GRIN2A: variants seen among roughly 807,000 people sequenced by gnomAD.
GRIN2A encodes glutamate receptor ionotropic, NMDA 2A.
Under a neutral mutation model 113.4 loss-of-function variants are expected in GRIN2A, and 22 were observed. That is an observed-to-expected ratio of 0.19 (90% CI 0.14 to 0.28). GRIN2A has a LOEUF of 0.28. Ranked by LOEUF, GRIN2A falls within the 10% of genes least tolerant of loss-of-function variation. The probability of loss-of-function intolerance (pLI) is 1.00; values close to 1 mark genes in which losing one functional copy is unlikely to be tolerated. For missense variants in GRIN2A, 1,502 were observed against 1,887.0 expected, an observed-to-expected ratio of 0.80 and a Z score of 3.78; for synonymous variants, 827 against 738.4, an observed-to-expected ratio of 1.12 and a Z score of -1.94.
chr16:10,008,151 G>A (rs1414341872), intron 2 of GRIN2A, among the ~76,000 whole-genome samples: 1 of 152,064 alleles, frequency 6.6e-6, no homozygotes, highest in Non-Finnish European at 1.5e-5. Context: ...TTGGAGATCT[G>A]TCCTCTTGAG....
intron 2 of GRIN2A, among the ~76,000 whole-genome samples, chr16:10,125,046 C>G (rs749307716): frequency 6.6e-6 from 1 of 152,102 alleles, no homozygotes; most frequent in African/African-American, 2.4e-5. Context: ...GCACGTAGTG[C>G]CCAAATCATG....
intron 11 of GRIN2A, among the ~76,000 whole-genome samples, chr16:9,780,736 G>C (rs1045490538): frequency 3.9e-5 from 6 of 152,256 alleles, no homozygotes; most frequent in African/African-American, 1.4e-4. Flanking sequence ...AAAACAGTGA[G>C]TGGCATAGTA....
chr16:9,842,624 T>C (rs2042700319), intron 5 of GRIN2A, among the ~76,000 whole-genome samples: 1 of 152,210 alleles, frequency 6.6e-6, no homozygotes, highest in Non-Finnish European at 1.5e-5. Context: ...ATGAAATAAC[T>C]GTATGGAAAA....
In GRIN2A at chr16:9,829,178, G is replaced by A. The variant is rs76326097; in HGVS notation, c.2007+245C>T. ...GAAAGATCATATAAATAGGAAACAC[G>A]ACCACTCGGGGAAGCCAGGCTTCCA... On this transcript the variant is annotated intron_variant, in intron 9 of 12. Transcript: ENST00000330684. Among the ~76,000 whole-genome samples, 1,479 of 152,252 alleles carry A rather than the reference G, an allele frequency of 9.7e-3. 23 individuals carry two copies. The highest frequency in any genetic ancestry group is 0.034 in the African/African-American group (1,398 of 41,538).
Position 9,758,722 on chromosome 16 carries a change from T to G in GRIN2A, c.*4427A>C. On this transcript the variant is annotated 3_prime_UTR_variant, in exon 13 of 13. Coordinates refer to ENST00000330684, the MANE Select transcript of GRIN2A (RefSeq NM_001134407.3). ...GGCAAGCTGACCTCATCTGATACAA[T>G]TAGATATGAACACAGTACAATGTAT... The G allele has an allele frequency of 4.6e-6, 1 of 215,136 alleles. No homozygotes were observed. The highest frequency in any genetic ancestry group is 9.4e-6 in the Non-Finnish European group (1 of 106,498). The allele number at this position is 215,136 out of a possible 1,614,324, so 13.3% of individuals were successfully genotyped here.
intron 4 of GRIN2A, among the ~76,000 whole-genome samples, chr16:9,855,171 TCAGA>T (rs2042947346): frequency 6.6e-6 from 1 of 152,230 alleles, no homozygotes; most frequent in East Asian, 1.9e-4. Context: ...GGCTTAGAGA[TCAGA>T]CAGATGAACA....
rs1447076076 is a variant in GRIN2A, at chr16:9,768,894, C to T, written c.2552G>A (p.Gly851Asp). 1 of 1,614,198 alleles carries T rather than the reference C, an allele frequency of 6.2e-7. No homozygotes were observed. The highest frequency in any genetic ancestry group is 8.5e-7 in the Non-Finnish European group (1 of 1,180,014). ...CAACCCAGGCCGGTCGGAGCACACG[C>T]CCGTGAAACAGAAGCGCAGCTTCCA... ...FYWKLRFCFT[G>D]VCSDRPGLLF... The change falls in exon 12 of 13, where the codon GGC becomes GAC. Residue 851 changes from glycine to aspartate, a missense_variant. Gly to Asp is a moderately conservative substitution (Grantham distance 94). Around this residue, in one of 7 missense-constraint regions of GRIN2A, gnomAD observed 832 missense variants for 789.7 expected, o/e 1.05. Coordinates refer to ENST00000330684, the MANE Select transcript of GRIN2A (RefSeq NM_001134407.3).
chr16:9,982,849 C>T (rs2045916065), intron 2 of GRIN2A, among the ~76,000 whole-genome samples: 1 of 152,142 alleles, frequency 6.6e-6, no homozygotes, highest in African/African-American at 2.4e-5. Flanking sequence ...ACCCACTTTC[C>T]CAGTGGTCTC....
chr16:10,123,156 C>T (rs1443363837), intron 2 of GRIN2A, among the ~76,000 whole-genome samples: 1 of 152,172 alleles, frequency 6.6e-6, no homozygotes, highest in African/African-American at 2.4e-5. Context: ...TTTGTCCTCT[C>T]ACATTTGCAG....
At chr16:10,079,937 T>C (rs547938257) in intron 2 of GRIN2A, among the ~76,000 whole-genome samples, 1 of 152,238 alleles carries the variant, frequency 6.6e-6, no homozygotes, top group African/African-American at 2.4e-5. Flanking sequence ...AAGAATTGCA[T>C]GAGCACTTTG....
chr16:9,892,933 G>GAAAAAAAAA (rs57666918), intron 3 of GRIN2A, among the ~76,000 whole-genome samples: 7 of 96,540 alleles, frequency 7.3e-5, no homozygotes, highest in East Asian at 3.8e-4. Context: ...GCTAAAAAGT[G>GAAAAAAAAA]AAAAAAAAAA....
intron 11 of GRIN2A, among the ~76,000 whole-genome samples, chr16:9,777,511 T>TA (rs1252823555): frequency 6.6e-6 from 1 of 152,236 alleles, no homozygotes; most frequent in Admixed American, 6.5e-5. Flanking sequence ...CATTTCTGTA[T>TA]AATGCTGAGA....
intron 2 of GRIN2A, among the ~76,000 whole-genome samples, chr16:9,945,160 T>C (rs1010255127): frequency 6.6e-6 from 1 of 152,034 alleles, no homozygotes; most frequent in African/African-American, 2.4e-5. Context: ...CCATCTCAAA[T>C]TTTAAAAATT....
intron 4 of GRIN2A, among the ~76,000 whole-genome samples, chr16:9,850,444 A>G (rs1006517290): frequency 4.6e-5 from 7 of 152,250 alleles, no homozygotes; most frequent in Admixed American, 3.9e-4. Flanking sequence ...GGAATTCAAT[A>G]AAGCAATGCA....
chr16:9,943,491 A>G (rs2044940649), intron 2 of GRIN2A, among the ~76,000 whole-genome samples: 2 of 152,156 alleles, frequency 1.3e-5, no homozygotes, highest in African/African-American at 4.8e-5. Context: ...ACCTGACTCC[A>G]TGGGTACCAA....
chr16:10,147,839 T>G (rs1020636468), intron 2 of GRIN2A, among the ~76,000 whole-genome samples: 6 of 152,186 alleles, frequency 3.9e-5, no homozygotes, highest in African/African-American at 1.4e-4. Context: ...TCTAGAGAGT[T>G]GGCTATAACC....
intron 3 of GRIN2A, among the ~76,000 whole-genome samples, chr16:9,922,967 G>C (rs975648368): frequency 3.3e-5 from 5 of 152,098 alleles, no homozygotes; most frequent in African/African-American, 4.8e-5. Context: ...CTGTTGTTGG[G>C]TGGAGTGTTC....
At chr16:10,019,451 G>A (rs1243947317) in intron 2 of GRIN2A, among the ~76,000 whole-genome samples, 2 of 152,348 alleles carry the variant, frequency 1.3e-5, no homozygotes, top group Non-Finnish European at 2.9e-5. Flanking sequence ...TGTTTAATCT[G>A]TAAGCATTTC....
At chr16:10,044,007 G>GTATATATATATATA (rs368522556) in intron 2 of GRIN2A, among the ~76,000 whole-genome samples, 106 of 116,852 alleles carry the variant, frequency 9.1e-4, no homozygotes, top group African/African-American at 3.2e-3. Flanking sequence ...GTGTGTGTGT[G>GTATATATATATATA]TATATATATA....
Sources: gnomAD v4.1 joint callset for allele counts (sites outside exome capture counted in the v4.1 genomes callset) on GRCh38, gnomAD v4.1.1 for gene constraint, gnomAD v4.1.1 regional missense constraint, MANE v1.5 for transcripts, NCBI Gene and HGNC (gene_info 2026-07-23, HGNC 2026-07-21) for gene names.